The following INPP4B variants were observed in gnomAD, a reference collection of about 807,000 sequenced individuals.
INPP4B encodes the protein inositol polyphosphate 4-phosphatase type II.
In INPP4B, 55 loss-of-function variants were observed where a neutral mutation model predicts 122.5. That is an observed-to-expected ratio of 0.45 (90% CI 0.36 to 0.56). The LOEUF (loss-of-function observed/expected upper bound fraction) is 0.56. INPP4B is among the 20% of genes least tolerant of loss of function. The probability of loss-of-function intolerance (pLI) is 0.00; values close to 1 mark genes in which losing one functional copy is unlikely to be tolerated. For synonymous variants in INPP4B, 403 were observed against 388.7 expected, an observed-to-expected ratio of 1.04 and a Z score of -0.43; for missense variants, 1,000 against 1,097.7, an observed-to-expected ratio of 0.91 and a Z score of 1.26.
At chr4:142,248,318 TTCTCTC>T (rs773640823) in intron 11 of INPP4B, among the ~76,000 whole-genome samples, 10 of 145,090 alleles carry the variant, frequency 6.9e-5, no homozygotes, top group African/African-American at 2.6e-4. Context: ...GTCTCTGTGT[TTCTCTC>T]TCTCTCTCTC....
intron 2 of INPP4B, among the ~76,000 whole-genome samples, chr4:142,585,355 T>G (rs1407910844): frequency 6.6e-6 from 1 of 152,004 alleles, no homozygotes; most frequent in Non-Finnish European, 1.5e-5. Flanking sequence ...CTTTATGGAG[T>G]GCTTTTATGA....
At chr4:142,674,957 C>A (rs35557770) in intron 2 of INPP4B, among the ~76,000 whole-genome samples, 5,041 of 152,008 alleles carry the variant, frequency 0.033, 101 homozygotes, top group Middle Eastern at 0.065. Context: ...ACTAGAGAAG[C>A]AAGAGCAAAC....
intron 14 of INPP4B, among the ~76,000 whole-genome samples, chr4:142,204,099 G>A (rs187724590): frequency 6.7e-6 from 1 of 148,350 alleles, no homozygotes; most frequent in Non-Finnish European, 1.5e-5. Flanking sequence ...GACACTCAGA[G>A]AGGTCAAATA....
chr4:142,456,971 G>A (rs182869431), intron 3 of INPP4B, among the ~76,000 whole-genome samples: 15 of 151,968 alleles, frequency 9.9e-5, no homozygotes, highest in Middle Eastern at 3.4e-3. Context: ...AATAGTTACC[G>A]AATAATAAGA....
At chr4:142,087,052 C>A (rs1777206058) in intron 23 of INPP4B, among the ~76,000 whole-genome samples, 1 of 152,166 alleles carries the variant, frequency 6.6e-6, no homozygotes, top group South Asian at 2.1e-4. Context: ...CTATTAACTT[C>A]TTGAATCAGG....
intron 1 of INPP4B, among the ~76,000 whole-genome samples, chr4:142,751,750 G>C (rs1769752721): frequency 6.6e-6 from 1 of 152,034 alleles, no homozygotes; most frequent in African/African-American, 2.4e-5. Context: ...TCAGAGAACA[G>C]TGATGCGATA....
intron 2 of INPP4B, among the ~76,000 whole-genome samples, chr4:142,682,529 T>TGG (rs2150688272): frequency 6.6e-6 from 1 of 152,040 alleles, no homozygotes; most frequent in Admixed American, 6.6e-5. Context: ...TATTATATTG[T>TGG]GTTTTTCATG....
chr4:142,475,524 G>A (rs1819656816), intron 2 of INPP4B, among the ~76,000 whole-genome samples: 1 of 151,990 alleles, frequency 6.6e-6, no homozygotes, highest in Admixed American at 6.6e-5. Flanking sequence ...ATAGAGTTCA[G>A]AATATGGATT....
At chr4:142,742,367 C>T (rs1208632257) in intron 1 of INPP4B, among the ~76,000 whole-genome samples, 1 of 152,038 alleles carries the variant, frequency 6.6e-6, no homozygotes, top group African/African-American at 2.4e-5. Context: ...TTTTCCTGCT[C>T]TATCTTGTTT....
chr4:142,772,854 G>C (rs868216898), intron 1 of INPP4B, among the ~76,000 whole-genome samples: 15 of 152,010 alleles, frequency 9.9e-5, no homozygotes, highest in African/African-American at 2.9e-4. Flanking sequence ...AGACCAGCCT[G>C]GGTAACATGG....
At chr4:142,275,829 T>C (rs1748126482) in intron 9 of INPP4B, among the ~76,000 whole-genome samples, 1 of 151,720 alleles carries the variant, frequency 6.6e-6, no homozygotes. Context: ...AGACATTCCA[T>C]CCATCATCAT....
intron 2 of INPP4B, among the ~76,000 whole-genome samples, chr4:142,495,529 T>G (rs1454691530): frequency 6.6e-6 from 1 of 151,928 alleles, no homozygotes; most frequent in Non-Finnish European, 1.5e-5. Context: ...TATATATATA[T>G]TCTTCTGGTT....
chr4:142,031,544 C>T (rs1371477969), intron 25 of INPP4B, among the ~76,000 whole-genome samples: 3 of 152,124 alleles, frequency 2.0e-5, no homozygotes, highest in Non-Finnish European at 4.4e-5. Flanking sequence ...AAGGACTATG[C>T]AATCAGTGAC....
At chr4:142,321,142 T>C (rs972441573) in intron 7 of INPP4B, among the ~76,000 whole-genome samples, 2 of 152,084 alleles carry the variant, frequency 1.3e-5, no homozygotes, top group Non-Finnish European at 2.9e-5. Context: ...ATTTTTTTGA[T>C]TTTTTAATTG....
intron 7 of INPP4B, among the ~76,000 whole-genome samples, chr4:142,391,956 A>G (rs536799439): frequency 3.3e-5 from 5 of 152,306 alleles, no homozygotes; most frequent in Admixed American, 2.0e-4. Context: ...TGATGTTATA[A>G]AAGTAAATTA....
chr4:142,384,213 A>T, intron 7 of INPP4B: 2 of 675,840 alleles, frequency 3.0e-6, no homozygotes, highest in Non-Finnish European at 5.4e-6. Flanking sequence ...CAAAAGAAAT[A>T]CCTTAGAAAA....
At chr4:142,370,246 G>C (rs1326171582) in intron 7 of INPP4B, among the ~76,000 whole-genome samples, 1 of 152,106 alleles carries the variant, frequency 6.6e-6, no homozygotes, top group Non-Finnish European at 1.5e-5. Flanking sequence ...ACCAGCCAGA[G>C]ACAGTGTCCA....
chr4:142,569,290 T>C (rs909488236), intron 2 of INPP4B, among the ~76,000 whole-genome samples: 16 of 149,984 alleles, frequency 1.1e-4, no homozygotes, highest in Non-Finnish European at 1.9e-4. Flanking sequence ...CAAATAAACA[T>C]GGATTTTTTT....
chr4:142,564,122 C>T (rs750345503), intron 2 of INPP4B, among the ~76,000 whole-genome samples: 1 of 152,078 alleles, frequency 6.6e-6, no homozygotes, highest in African/African-American at 2.4e-5. Flanking sequence ...AGTTATTAAC[C>T]CATTTTGCTA....
Sources: gnomAD v4.1 joint callset for allele counts (sites outside exome capture counted in the v4.1 genomes callset) on GRCh38, gnomAD v4.1.1 for gene constraint, MANE v1.5 for transcripts, NCBI Gene and HGNC (gene_info 2026-07-23, HGNC 2026-07-21) for gene names.